The following SDK1 variants were observed in gnomAD, a reference collection of about 807,000 sequenced individuals.
SDK1 encodes the protein protein sidekick-1.
A neutral mutation model predicts 245.5 loss-of-function variants in SDK1; 157 were observed. That is an observed-to-expected ratio of 0.64 (90% confidence interval 0.56 to 0.73). The LOEUF is 0.73. Ranked by LOEUF, SDK1 falls within the 30% of genes least tolerant of loss-of-function variation. The pLI, the probability that SDK1 is intolerant of heterozygous loss-of-function variation, is 0.00. For missense variants in SDK1, 3,583 were observed against 3,002.3 expected, an observed-to-expected ratio of 1.19 and a Z score of -4.52; for synonymous variants, 1,647 against 1,278.5, an observed-to-expected ratio of 1.29 and a Z score of -6.15.
intron 1 of SDK1, among the ~76,000 whole-genome samples, chr7:3,348,911 A>G (rs1780580356): frequency 6.6e-6 from 1 of 152,198 alleles, no homozygotes. Flanking sequence ...ACATGTGAAA[A>G]GCTGCCTGTC....
At chr7:3,392,825 G>T (rs892450526) in intron 1 of SDK1, among the ~76,000 whole-genome samples, 1 of 152,014 alleles carries the variant, frequency 6.6e-6, no homozygotes. Context: ...TAATATTCCA[G>T]TGTATGCGTA....
intron 5 of SDK1, among the ~76,000 whole-genome samples, chr7:3,932,906 C>T (rs1166598090): frequency 1.3e-5 from 2 of 152,186 alleles, no homozygotes; most frequent in South Asian, 2.1e-4. Context: ...AGGGTGTGGC[C>T]GATTGTGCTG....
chr7:3,640,803 C>T (rs1471230789), intron 3 of SDK1, among the ~76,000 whole-genome samples: 1 of 152,022 alleles, frequency 6.6e-6, no homozygotes, highest in African/African-American at 2.4e-5. Flanking sequence ...CCTGCTTCAG[C>T]CTCCTGAGCA....
chr7:3,325,670 T>G (rs575998902), intron 1 of SDK1, among the ~76,000 whole-genome samples: 2 of 152,272 alleles, frequency 1.3e-5, no homozygotes, highest in South Asian at 4.1e-4. Context: ...CTGTGTAAAA[T>G]TATTAATATT....
intron 5 of SDK1, among the ~76,000 whole-genome samples, chr7:3,933,705 GA>G (rs1261220563): frequency 1.3e-5 from 2 of 152,206 alleles, no homozygotes; most frequent in South Asian, 2.1e-4. Context: ...GAATACGTGA[GA>G]AAAAAAGTGC....
intron 14 of SDK1, among the ~76,000 whole-genome samples, chr7:3,997,676 G>A (rs1262279597): frequency 1.3e-5 from 2 of 152,160 alleles, no homozygotes; most frequent in African/African-American, 2.4e-5. Context: ...GGGAGGAAGT[G>A]CATGCGGATT....
intron 17 of SDK1, among the ~76,000 whole-genome samples, chr7:4,018,071 G>T (rs78491150): frequency 2.0e-5 from 3 of 152,144 alleles, no homozygotes; most frequent in Admixed American, 2.0e-4. Flanking sequence ...GCTCTTAGCA[G>T]GAATAAACAG....
chr7:3,930,320 C>T lies in SDK1; in HGVS notation c.848-20603C>T, dbSNP rs190969305. Among the ~76,000 whole-genome samples the T allele has an allele frequency of 2.0e-5, 3 of 152,342 alleles. No homozygotes were observed. The East Asian group carries it at 5.8e-4, about 29-fold the overall frequency. ...AGACTCCCAGAGCATGGCCAGAGCCCTGGCTTCACCTGGGTGTGGAGTGGA... is the reference window on the plus strand; with the variant it reads ...AGACTCCCAGAGCATGGCCAGAGCCTTGGCTTCACCTGGGTGTGGAGTGGA... On this transcript the variant is annotated intron_variant, in intron 5 of 44. Transcript: ENST00000404826.
intron 4 of SDK1, among the ~76,000 whole-genome samples, chr7:3,665,071 A>C (rs1783484348): frequency 6.6e-6 from 1 of 152,176 alleles, no homozygotes; most frequent in Non-Finnish European, 1.5e-5. Context: ...TAATGATGTA[A>C]GTCTGTAAGA....
chr7:3,450,632 ATGTT>A (rs982780858), intron 1 of SDK1, among the ~76,000 whole-genome samples: 1 of 152,202 alleles, frequency 6.6e-6, no homozygotes, highest in African/African-American at 2.4e-5. Context: ...TTAGACTTAA[ATGTT>A]TGGAGGCTTT....
At chr7:3,597,173 G>A (rs1781094502) in intron 1 of SDK1, among the ~76,000 whole-genome samples, 1 of 151,398 alleles carries the variant, frequency 6.6e-6, no homozygotes, top group South Asian at 2.1e-4. Context: ...TCAGGAGGCC[G>A]AGGCAGGAGA....
chr7:3,768,371 A>G (rs1022879237), intron 4 of SDK1, among the ~76,000 whole-genome samples: 2 of 152,254 alleles, frequency 1.3e-5, no homozygotes, highest in African/African-American at 4.8e-5. Context: ...CCGATTGAGC[A>G]TGCTGATGAA....
intron 9 of SDK1, among the ~76,000 whole-genome samples, chr7:3,966,843 G>A (rs1192788102): frequency 6.6e-6 from 1 of 151,970 alleles, no homozygotes; most frequent in Non-Finnish European, 1.5e-5. Flanking sequence ...GCACCACCAT[G>A]CCTGGCTAAT....
intron 38 of SDK1, among the ~76,000 whole-genome samples, chr7:4,219,490 G>A (rs967680596): frequency 5.9e-5 from 9 of 152,206 alleles, no homozygotes; most frequent in Non-Finnish European, 1.2e-4. Context: ...CATGTGCGGA[G>A]AACCTCCCAT....
chr7:4,197,871 G>A (rs906089394), intron 35 of SDK1, among the ~76,000 whole-genome samples: 5 of 152,146 alleles, frequency 3.3e-5, no homozygotes, highest in African/African-American at 2.4e-5. Flanking sequence ...TGTCATAGAC[G>A]ACAGATGCTT....
intron 4 of SDK1, among the ~76,000 whole-genome samples, chr7:3,724,275 G>C (rs1005326053): frequency 2.0e-5 from 3 of 152,010 alleles, no homozygotes; most frequent in Admixed American, 2.0e-4. Context: ...AAAAATTGCT[G>C]TATGAAATAG....
chr7:3,552,318 G>A (rs922601776), intron 1 of SDK1, among the ~76,000 whole-genome samples: 4 of 152,172 alleles, frequency 2.6e-5, no homozygotes, highest in African/African-American at 7.2e-5. Flanking sequence ...GGGGATTACA[G>A]GTGTGAGCCA....
chr7:4,212,921 A>C (rs1293565425), intron 38 of SDK1, among the ~76,000 whole-genome samples: 2 of 152,134 alleles, frequency 1.3e-5, no homozygotes, highest in Non-Finnish European at 2.9e-5. Flanking sequence ...GGATTTGCAG[A>C]ATCTCCGTGG....
chr7:3,644,334 C>CT (rs1782753747), intron 4 of SDK1, among the ~76,000 whole-genome samples: 1 of 150,546 alleles, frequency 6.6e-6, no homozygotes, highest in African/African-American at 2.4e-5. Context: ...AATTGCTATC[C>CT]TTTTTTCTTT....
Sources: gnomAD v4.1 joint callset for allele counts (sites outside exome capture counted in the v4.1 genomes callset) on GRCh38, gnomAD v4.1.1 for gene constraint, MANE v1.5 for transcripts, NCBI Gene and HGNC (gene_info 2026-07-23, HGNC 2026-07-21) for gene names.